The following ACER2 variants were observed in gnomAD, a reference collection of about 807,000 sequenced individuals.
ACER2 encodes alkaline ceramidase 2.
A neutral mutation model predicts 34.7 loss-of-function variants in ACER2; 26 were observed. The ratio of observed to expected loss-of-function variants is 0.75; its 90% CI spans 0.55 to 1.04. The LOEUF is 1.04. Ranked by LOEUF, ACER2 falls within the 50% of genes least tolerant of loss-of-function variation. ACER2 has a pLI of 0.00. For missense variants in ACER2, 352 were observed against 340.8 expected (o/e 1.03, Z -0.26); for synonymous variants, 138 against 132.1 (o/e 1.04, Z -0.31).
intron 4 of ACER2, among the ~76,000 whole-genome samples, chr9:19,440,597 C>A (rs139170915): frequency 1.3e-5 from 2 of 152,204 alleles, no homozygotes; most frequent in African/African-American, 2.4e-5. Flanking sequence ...TCTCAGACTT[C>A]CCAGCCTCTA....
chr9:19,427,999 CTT>C lies in ACER2; in HGVS notation c.365+3162_365+3163del, dbSNP rs749927613. ...CCTTTTTCCTTTTTCCTTTCCTTTC[CTT>C]TTTCCTTTTTCCTTTCCTTTCCTTT... is the stretch of plus-strand genomic sequence containing the variant. On this transcript the variant is annotated intron_variant, in intron 3 of 5. Transcript: ENST00000340967. 1.4e-3 allele frequency among the ~76,000 whole-genome samples: 119 copies of C among 87,052 alleles called. 1 individual carries two copies. Among genetic ancestry groups the C allele is most frequent in the African/African-American group, 4.2e-3 (77 of 18,182 alleles). The allele number at this position is 87,052 out of a possible 152,430, so 57.1% of individuals were successfully genotyped here. A position where few individuals can be genotyped will look rare whatever the true frequency, so the allele number is the denominator to read the frequency against.
At chr9:19,445,713 C>T (rs1831332110) in intron 4 of ACER2, among the ~76,000 whole-genome samples, 1 of 152,042 alleles carries the variant, frequency 6.6e-6, no homozygotes, top group South Asian at 2.1e-4. Context: ...AGAGTACACA[C>T]GAGAGGAGGT....
At chr9:19,428,281 C>T (rs922884878) in intron 3 of ACER2, among the ~76,000 whole-genome samples, 6 of 152,018 alleles carry the variant, frequency 3.9e-5, no homozygotes, top group Admixed American at 3.9e-4. Context: ...GATTCTCCTG[C>T]CTCAGCCTCC....
chr9:19,412,730 G>T (rs575977377), intron 1 of ACER2, among the ~76,000 whole-genome samples: 1 of 150,178 alleles, frequency 6.7e-6, no homozygotes, highest in Non-Finnish European at 1.5e-5. Context: ...AGATGGTACT[G>T]TGTAAACTCT....
chr9:19,424,563 T>C, intron 2 of ACER2, 137 bp from the exon 3 acceptor site: 1 of 1,483,346 alleles, frequency 6.7e-7, no homozygotes, highest in Non-Finnish European at 8.9e-7. Context: ...TGAGTTTCTT[T>C]CTTCAGTTTC....
intron 1 of ACER2, 26 bp downstream of exon 1, chr9:19,409,218 C>T (rs1476594746): frequency 1.9e-6 from 3 of 1,556,908 alleles, no homozygotes; most frequent in Non-Finnish European, 2.6e-6. Context: ...GCGGGGAAGG[C>T]AGGCGGGCCA....
chr9:19,446,568 A>G (rs770573737), intron 5 of ACER2, 150 bp downstream of exon 5: 30 of 1,493,126 alleles, frequency 2.0e-5, no homozygotes, highest in Non-Finnish European at 2.7e-5. Context: ...TTCAGAAGCC[A>G]CTGAAAGCAC....
chr9:19,423,973 G>A lies in ACER2; in HGVS notation c.220G>A (p.Val74Met). 1.2e-6 allele frequency: 2 copies of A among 1,609,664 alleles called. No individual in the cohort carries two copies. The highest frequency in any genetic ancestry group is 8.5e-7 in the Non-Finnish European group (1 of 1,175,946). Residue 74 changes from valine (V) to methionine (M), a missense_variant, in exon 2 of 6, where the codon GTG (valine) becomes ATG (methionine). Val to Met is a conservative substitution (Grantham distance 21). Transcript: ENST00000340967. Reference protein sequence around the residue: ...IYLIWTLLVVVGIGSVYFHAT... With the variant: ...IYLIWTLLVVMGIGSVYFHAT... ...CTTAATCTGGACTCTTTTGGTTGTAGTGGGTAAGTGGAGTCATTTGGGAAC... is the reference window on the plus strand; with the variant it reads ...CTTAATCTGGACTCTTTTGGTTGTAATGGGTAAGTGGAGTCATTTGGGAAC...
intron 4 of ACER2, among the ~76,000 whole-genome samples, chr9:19,436,126 C>T (rs989790100): frequency 1.3e-5 from 2 of 150,776 alleles, no homozygotes; most frequent in South Asian, 2.1e-4. Context: ...CCACTGTGCT[C>T]AGGGGTTCTC....
chr9:19,448,563 T>C (rs1831453470), intron 5 of ACER2, among the ~76,000 whole-genome samples: 1 of 152,160 alleles, frequency 6.6e-6, no homozygotes, highest in Admixed American at 6.5e-5. Context: ...CTGAATATTT[T>C]CATATGTTAA....
intron 3 of ACER2, among the ~76,000 whole-genome samples, chr9:19,425,260 C>G (rs555385073): frequency 6.6e-6 from 1 of 152,218 alleles, no homozygotes; most frequent in Non-Finnish European, 1.5e-5. Flanking sequence ...GTTCTTGGAG[C>G]TACAGATACT....
At chr9:19,421,290 A>T (rs928702071) in intron 1 of ACER2, among the ~76,000 whole-genome samples, 1 of 152,230 alleles carries the variant, frequency 6.6e-6, no homozygotes, top group Non-Finnish European at 1.5e-5. Flanking sequence ...TTAAGTTTTA[A>T]CATATGAATT....
intron 3 of ACER2, among the ~76,000 whole-genome samples, chr9:19,426,232 A>ATTTT (rs766832498): frequency 2.6e-4 from 38 of 148,858 alleles, no homozygotes; most frequent in South Asian, 6.4e-4. Context: ...TTTTTTTAAA[A>ATTTT]AAAAAAAAAC....
intron 1 of ACER2, among the ~76,000 whole-genome samples, chr9:19,421,129 T>G (rs1830391890): frequency 6.6e-6 from 1 of 152,192 alleles, no homozygotes; most frequent in African/African-American, 2.4e-5. Flanking sequence ...CAGTAAATAT[T>G]TGTGTATTTA....
intron 3 of ACER2, among the ~76,000 whole-genome samples, chr9:19,425,960 G>A (rs1244131364): frequency 6.6e-6 from 1 of 152,220 alleles, no homozygotes; most frequent in African/African-American, 2.4e-5. Flanking sequence ...TGAAGCTGCT[G>A]AGGACTAAGG....
intron 1 of ACER2, among the ~76,000 whole-genome samples, chr9:19,418,561 G>A (rs1303764066): frequency 6.6e-6 from 1 of 152,134 alleles, no homozygotes; most frequent in Non-Finnish European, 1.5e-5. Context: ...CATGGATGAA[G>A]CTGGAAACCA....
At chr9:19,427,993 C>T (rs568149040) in intron 3 of ACER2, among the ~76,000 whole-genome samples, 21 of 99,010 alleles carry the variant, frequency 2.1e-4, no homozygotes, top group African/African-American at 9.5e-4. Context: ...TTTTTCCTTT[C>T]CTTTCCTTTT....
In ACER2 at chr9:19,442,528, G is replaced by A. The variant is rs559158500; in HGVS notation, c.504-3753G>A. On this transcript the variant is annotated intron_variant, in intron 4 of 5. Transcript: ENST00000340967. ...CTCTACAGAGCCTCCCTCCTGCCTC[G>A]TACATGCCAAGCCGGCCCTGTCCTG... is the stretch of plus-strand genomic sequence containing the variant. 7.2e-4 allele frequency among the ~76,000 whole-genome samples: 109 copies of A among 152,278 alleles called. 1 individual carries two copies. The highest frequency in any genetic ancestry group is 2.4e-3 in the African/African-American group (100 of 41,568).
intron 4 of ACER2, among the ~76,000 whole-genome samples, chr9:19,435,834 G>T (rs1364553745): frequency 2.0e-5 from 3 of 151,664 alleles, no homozygotes; most frequent in African/African-American, 7.3e-5. Flanking sequence ...CGGATCACGA[G>T]GTCAGGAGAT....
Sources: allele counts gnomAD v4.1 joint callset (sites outside exome capture counted in the v4.1 genomes callset), GRCh38; gene constraint gnomAD v4.1.1; transcripts MANE v1.5; gene names NCBI Gene and HGNC (gene_info 2026-07-23, HGNC 2026-07-21).